Variants in PLCXD3 observed in about 807,000 individuals in gnomAD.
PLCXD3 encodes PI-PLC X domain-containing protein 3.
PLCXD3 carries 19 observed loss-of-function variants against 25.5 expected under a neutral mutation model. The observed-to-expected ratio is 0.75, with a 90% CI of 0.52 to 1.09. The LOEUF is 1.09. PLCXD3 is among the 50% of genes least tolerant of loss of function. The pLI is 0.00. For synonymous variants in PLCXD3, 174 were observed against 137.6 expected (o/e 1.26, Z -1.85); for missense variants, 411 against 388.1 (o/e 1.06, Z -0.50).
chr5:41,366,559 C>T (rs1337982368), intron 2 of PLCXD3, among the ~76,000 whole-genome samples: 1 of 152,206 alleles, frequency 6.6e-6, no homozygotes, highest in African/African-American at 2.4e-5. Flanking sequence ...TATGTTAATA[C>T]TTATTTTCAA....
Position 41,313,527 on chromosome 5 carries a change from T to C in PLCXD3, c.*90A>G, listed in dbSNP as rs1306606176. On this transcript the variant is annotated 3_prime_UTR_variant, in exon 3 of 3. Transcript: ENST00000377801. The stretch of plus-strand genomic sequence containing the variant: ...AGCCCTATTCCCTTCAGAGACTCAG[T>C]GGAATAGGAAGATCAGAGTGTTTAC... 4.0e-6 allele frequency: 6 copies of C among 1,485,222 alleles called. No homozygotes were observed. In the East Asian group the frequency reaches 1.4e-4, roughly 34 times the overall value. The allele number at this position is 1,485,222 out of a possible 1,614,324, so 92.0% of individuals were successfully genotyped here. A position where few individuals can be genotyped will look rare whatever the true frequency, so the allele number is the denominator to read the frequency against.
At chr5:41,429,867 T>C (rs1747050311) in intron 1 of PLCXD3, among the ~76,000 whole-genome samples, 1 of 152,200 alleles carries the variant, frequency 6.6e-6, no homozygotes, top group Admixed American at 6.6e-5. Context: ...TTTTAACTTA[T>C]GTTTAGTGTT....
intron 1 of PLCXD3, among the ~76,000 whole-genome samples, chr5:41,481,102 T>TAAAAAAAAAAA (rs554092157): frequency 1.4e-5 from 1 of 72,908 alleles, no homozygotes; most frequent in African/African-American, 5.4e-5. Flanking sequence ...ACCTAATTTG[T>TAAAAAAAAAAA]AAAAAAAAAA....
intron 1 of PLCXD3, among the ~76,000 whole-genome samples, chr5:41,420,719 G>T (rs751399197): frequency 4.6e-5 from 7 of 152,168 alleles, no homozygotes; most frequent in Non-Finnish European, 1.0e-4. Flanking sequence ...CAGGATAATT[G>T]TATACAATAA....
intron 1 of PLCXD3, among the ~76,000 whole-genome samples, chr5:41,493,325 G>A (rs1303114523): frequency 1.3e-5 from 2 of 152,160 alleles, no homozygotes; most frequent in African/African-American, 2.4e-5. Context: ...GCCGTGTGAG[G>A]TGTCAGTCTG....
rs774963623 is a variant in PLCXD3 at position 41,308,039 on chromosome 5, A to G, written c.*5578T>C. 6.6e-6 allele frequency: 1 copy of G among 152,116 alleles called. No homozygotes were observed. Among genetic ancestry groups the G allele is most frequent in the Non-Finnish European group, 1.5e-5 (1 of 68,018 alleles). 9.4% of individuals were successfully genotyped at this position (152,116 alleles called of 1,614,324 possible). A position where few individuals can be genotyped will look rare whatever the true frequency, so the allele number is the denominator to read the frequency against. On this transcript the variant is annotated 3_prime_UTR_variant, in exon 3 of 3. Coordinates refer to ENST00000377801, the MANE Select transcript of PLCXD3 (RefSeq NM_001005473.3). ...ATATTTACTTGATTATCCCATCTGTATTTGAGTTCGTCCTTCAAAAAGCAT... is the reference window on the plus strand; with the variant it reads ...ATATTTACTTGATTATCCCATCTGTGTTTGAGTTCGTCCTTCAAAAAGCAT...
At position 41,309,415 on chromosome 5, in the gene PLCXD3, T is replaced by C. The variant is rs1743072653; in HGVS notation, c.*4202A>G. ...CTGAAAAGACTAAAGTGCTGTAAAA[T>C]AAAATGCTCTTAAAAACCTTGTTTA... On this transcript the variant is annotated 3_prime_UTR_variant, in exon 3 of 3. Coordinates refer to ENST00000377801, the MANE Select transcript of PLCXD3 (RefSeq NM_001005473.3). The C allele has an allele frequency of 6.6e-6, 1 of 152,544 alleles. No homozygotes were observed. The highest frequency in any genetic ancestry group is 6.6e-5 in the Admixed American group (1 of 15,252). 9.4% of individuals were successfully genotyped at this position (152,544 alleles called of 1,614,324 possible).
At chr5:41,349,737 A>C (rs552375303) in intron 2 of PLCXD3, among the ~76,000 whole-genome samples, 14 of 152,316 alleles carry the variant, frequency 9.2e-5, no homozygotes, top group Admixed American at 7.8e-4. Context: ...CAAATGCACT[A>C]AGCAAGCCAG....
In PLCXD3 at chr5:41,483,055, A is replaced by C. The variant is rs138728391; in HGVS notation, c.103+27369T>G. Among the ~76,000 whole-genome samples, 274 of 152,354 alleles carry C rather than the reference A, an allele frequency of 1.8e-3. 2 individuals are homozygous for C. Among genetic ancestry groups the C allele is most frequent in the African/African-American group, 6.4e-3 (265 of 41,588 alleles). ...TTTTTGTGACTGGTTTATTTCACTT[A>C]GCGTAATATTCTCAAGGTTCATTCA... On this transcript the variant is annotated intron_variant, in intron 1 of 2. Coordinates refer to ENST00000377801, the MANE Select transcript of PLCXD3 (RefSeq NM_001005473.3).
intron 2 of PLCXD3, among the ~76,000 whole-genome samples, chr5:41,338,519 G>A (rs891938556): frequency 2.6e-5 from 4 of 151,988 alleles, no homozygotes; most frequent in African/African-American, 9.7e-5. Context: ...GAACACTGTT[G>A]AAAATATTGC....
chr5:41,365,242 A>C (rs1459820964), intron 2 of PLCXD3, among the ~76,000 whole-genome samples: 2 of 152,200 alleles, frequency 1.3e-5, no homozygotes. Context: ...AGACAATCAC[A>C]AGAGAATATC....
At chr5:41,476,835 G>A (rs907768028) in intron 1 of PLCXD3, among the ~76,000 whole-genome samples, 2 of 152,168 alleles carry the variant, frequency 1.3e-5, no homozygotes, top group African/African-American at 4.8e-5. Flanking sequence ...AGTACAGAAA[G>A]GTTAGGGAGG....
chr5:41,381,790 T>C (rs1745467919), intron 2 of PLCXD3, 36 bp downstream of exon 2: 9 of 1,465,488 alleles, frequency 6.1e-6, no homozygotes, highest in Non-Finnish European at 8.2e-6. Flanking sequence ...AGTTAAATTA[T>C]TTGAGGTTTC....
intron 1 of PLCXD3, among the ~76,000 whole-genome samples, chr5:41,482,563 C>A (rs1288209275): frequency 6.6e-6 from 1 of 152,028 alleles, no homozygotes; most frequent in Non-Finnish European, 1.5e-5. Flanking sequence ...GTGATTTGGC[C>A]ACCTTTAATC....
chr5:41,488,342 G>T (rs1329179410), intron 1 of PLCXD3, among the ~76,000 whole-genome samples: 2 of 131,094 alleles, frequency 1.5e-5, no homozygotes, highest in Admixed American at 7.8e-5. Flanking sequence ...TGGACATTTG[G>T]GTTGGTTCCA....
intron 1 of PLCXD3, among the ~76,000 whole-genome samples, chr5:41,399,239 G>A (rs1278127259): frequency 6.6e-6 from 1 of 152,146 alleles, no homozygotes; most frequent in African/African-American, 2.4e-5. Flanking sequence ...TTGATTGGAA[G>A]AATCACTATT....
chr5:41,398,772 G>A (rs530042160), intron 1 of PLCXD3, among the ~76,000 whole-genome samples: 24 of 152,084 alleles, frequency 1.6e-4, no homozygotes, highest in East Asian at 9.7e-4. Context: ...TATACTGAAC[G>A]GAGAAAAACT....
At chr5:41,465,354 T>TTTTTG (rs1747992289) in intron 1 of PLCXD3, among the ~76,000 whole-genome samples, 1 of 40,546 alleles carries the variant, frequency 2.5e-5, no homozygotes, top group Non-Finnish European at 5.7e-5. Flanking sequence ...AGTTCTTGTC[T>TTTTTG]TTTTTTTTTT....
rs545428869 is a variant in PLCXD3 at position 41,479,062 on chromosome 5, C to A, written c.103+31362G>T. 4.5e-3 allele frequency among the ~76,000 whole-genome samples: 686 copies of A among 152,182 alleles called. 8 individuals are homozygous for A. Among genetic ancestry groups the A allele is most frequent in the African/African-American group, 0.016 (655 of 41,506 alleles). On this transcript the variant is annotated intron_variant, in intron 1 of 2. Coordinates refer to ENST00000377801, the MANE Select transcript of PLCXD3 (RefSeq NM_001005473.3). Reference sequence around the variant, plus strand: ...TTGAGATAAGATTTGGGTGAGGACACAGAGCCAAATCATATCACCAAATGT... The same window carrying A: ...TTGAGATAAGATTTGGGTGAGGACAAAGAGCCAAATCATATCACCAAATGT...
Sources: allele counts gnomAD v4.1 joint callset (sites outside exome capture counted in the v4.1 genomes callset), GRCh38; gene constraint gnomAD v4.1.1; transcripts MANE v1.5; gene names NCBI Gene and HGNC (gene_info 2026-07-23, HGNC 2026-07-21).